Variants in RELA observed in about 807,000 individuals in gnomAD.
The protein encoded by RELA is transcription factor p65.
In RELA, 14 loss-of-function variants were observed where a neutral mutation model predicts 56.7. The ratio of observed to expected loss-of-function variants is 0.25; its 90% CI spans 0.16 to 0.39. RELA has a LOEUF of 0.39. Ranked by LOEUF, RELA falls within the 10% of genes least tolerant of loss-of-function variation. The probability of loss-of-function intolerance (pLI) is 1.00; values close to 1 mark genes in which losing one functional copy is unlikely to be tolerated. For synonymous variants in RELA, 315 were observed against 289.7 expected, an observed-to-expected ratio of 1.09 and a Z score of -0.89; for missense variants, 559 against 736.4, an observed-to-expected ratio of 0.76 and a Z score of 2.79.
rs1439805810 is a variant in RELA, at chr11:65,658,488, C to T, written c.676G>A (p.Val226Met). Residue 226 changes from valine (V) to methionine (M), a missense_variant, in exon 8 of 11, where the codon GTG (valine) becomes ATG (methionine). Coordinates refer to ENST00000406246, the MANE Select transcript of RELA (RefSeq NM_021975.4). This position sits in a 1 kb window ranked among gnomAD's most constrained non-coding sequence, Gnocchi z 4.5. Reference sequence around the variant, plus strand: ...TCCCAGCCTGGTCCCGTGAAATACACCTCAATGTCCTCTGCAGGAGATGCG... The same window carrying T: ...TCCCAGCCTGGTCCCGTGAAATACATCTCAATGTCCTCTGCAGGAGATGCG... Reference protein sequence around the residue: ...CDKVQKEDIEVYFTGPGWEAR... With the variant: ...CDKVQKEDIEMYFTGPGWEAR... The T allele has an allele frequency of 6.2e-7, 1 of 1,604,972 alleles. No individual in the cohort carries two copies. The highest frequency in any genetic ancestry group is 8.5e-7 in the Non-Finnish European group (1 of 1,173,352).
chr11:65,662,335 A>C, intron 1 of RELA, 130 bp from the exon 2 acceptor site: 1 of 1,106,868 alleles, frequency 9.0e-7, no homozygotes, highest in Non-Finnish European at 1.2e-6. Context: ...GCTCCCTAGA[A>C]CCTGCGGTGA....
In RELA at chr11:65,658,385, G is replaced by T; in HGVS notation, c.779C>A (p.Pro260His). 1 of 1,613,990 alleles carries T rather than the reference G, an allele frequency of 6.2e-7. No individual in the cohort carries two copies. The highest frequency in any genetic ancestry group is 1.3e-5 in the African/African-American group (1 of 75,060). Residue 260 changes from proline (P) to histidine (H), a missense_variant, in exon 8 of 11, where the codon CCC becomes CAC. Coordinates refer to ENST00000406246, the MANE Select transcript of RELA (RefSeq NM_021975.4). This position sits in a 1 kb window ranked among gnomAD's most constrained non-coding sequence, Gnocchi z 4.5. The stretch of plus-strand genomic sequence containing the variant: ...GACACGCACAGGAGCCTGCAGGCTG[G>T]GGTCTGCGTAGGGAGGGGTCCGGAA... ...IVFRTPPYADPSLQAPVRVSM... is the reference protein window; with the variant it reads ...IVFRTPPYADHSLQAPVRVSM...
intron 6 of RELA, among the ~76,000 whole-genome samples, chr11:65,659,096 T>C (rs1856500181): frequency 6.6e-6 from 1 of 152,104 alleles, no homozygotes; most frequent in African/African-American, 2.4e-5. Context: ...TATAGTCCAG[T>C]GGGTGCCAAT....
intron 4 of RELA, 161 bp downstream of exon 4, chr11:65,661,526 T>C (rs966939682): frequency 5.0e-5 from 31 of 616,758 alleles, no homozygotes; most frequent in Non-Finnish European, 8.3e-5. Flanking sequence ...AACGTACAAA[T>C]AGATAATTTC....
At chr11:65,660,418 C>T (rs1856534929) in intron 4 of RELA, 1 of 599,108 alleles carries the variant, frequency 1.7e-6, no homozygotes, top group Admixed American at 2.9e-5. Flanking sequence ...CCCTGCCAGC[C>T]TCCCTGTGGG....
In RELA at chr11:65,654,234, G is replaced by C; in HGVS notation, c.*144C>G. 5 of 979,580 alleles carry C rather than the reference G, an allele frequency of 5.1e-6. No homozygotes were observed. The highest frequency in any genetic ancestry group is 8.0e-6 in the Non-Finnish European group (5 of 626,410). 60.7% of individuals were successfully genotyped at this position (979,580 alleles called of 1,614,324 possible). A position where few individuals can be genotyped will look rare whatever the true frequency, so the allele number is the denominator to read the frequency against. ...AGAGATACAGATACTGACAATAAAA[G>C]AATAAAATATGGCTCCCCCCTCCAA... On this transcript the variant is annotated 3_prime_UTR_variant, in exon 11 of 11. Transcript: ENST00000406246.
At position 65,662,205 on chromosome 11, in the gene RELA, T is replaced by C; in HGVS notation, c.8A>G (p.Glu3Gly). ...TGCCGGGAAGATGAGGGGGAACAGT[T>C]CTGAAAGGGGAGGGAGATCAGGGTC... MDELFPLIFPAEP... is the reference protein window; with the variant it reads MDGLFPLIFPAEP... Residue 3 changes from glutamate (E) to glycine (G), a missense_variant and splice_region_variant, in exon 2 of 11, where the codon GAA (glutamate) becomes GGA (glycine). By Grantham distance (98) the Glu-to-Gly change is moderately conservative. This residue lies in a region of RELA where 21 missense variants were observed against 17.4 expected (regional missense o/e 1.21). Coordinates refer to ENST00000406246, the MANE Select transcript of RELA (RefSeq NM_021975.4). 6.4e-7 allele frequency: 1 copy of C among 1,572,326 alleles called. No homozygotes were observed. Among genetic ancestry groups the C allele is most frequent in the Non-Finnish European group, 8.6e-7 (1 of 1,164,720 alleles).
Position 65,655,635 on chromosome 11 carries a change from CAGCTGAACAG to C in RELA, c.1033+43_1033+52del, listed in dbSNP as rs1343291981. On this transcript the variant is annotated intron_variant, in intron 10 of 10. Transcript: ENST00000406246. ...AGGAGTCTTCATCTCCACTGCTCCT[CAGCTGAACAG>C]AGCTGAACCTGTCGTTCCAGTGGGA... 2.6e-6 allele frequency: 4 copies of C among 1,557,146 alleles called. No homozygotes were observed. In the African/African-American group the frequency reaches 5.4e-5, roughly 21 times the overall value.
chr11:65,655,218 C>A, intron 10 of RELA: 1 of 586,844 alleles, frequency 1.7e-6, no homozygotes, highest in Admixed American at 3.2e-5. Context: ...CTACTCAAGC[C>A]CACGAAACTC....
intron 4 of RELA, 49 bp from the exon 5 acceptor site, chr11:65,660,264 C>G (rs753962385): frequency 6.4e-7 from 1 of 1,570,706 alleles, no homozygotes; most frequent in Non-Finnish European, 8.8e-7. Flanking sequence ...GAGCCCAGAC[C>G]TTCCTGCCTT....
At chr11:65,659,073 C>T (rs1220595140) in intron 6 of RELA, among the ~76,000 whole-genome samples, 5 of 152,180 alleles carry the variant, frequency 3.3e-5, no homozygotes, top group African/African-American at 1.2e-4. Context: ...AACCTCTCTG[C>T]TCTCCCGGAG....
chr11:65,661,678 G>A lies in RELA; in HGVS notation c.335+9C>T. On this transcript the variant is annotated intron_variant, in intron 4 of 10. Transcript: ENST00000406246. ...TCATGCTGGGCCTCCTAGCCTGCAG[G>A]GACCTCACCTGTGGATGCAGCGGTC... is the stretch of plus-strand genomic sequence containing the variant. 4.5e-6 allele frequency: 7 copies of A among 1,569,844 alleles called. No homozygotes were observed. The highest frequency in any genetic ancestry group is 5.2e-6 in the Non-Finnish European group (6 of 1,154,400).
At chr11:65,662,397 C>G (rs569020791) in intron 1 of RELA, 192 bp from the exon 2 acceptor site, 1 of 607,342 alleles carries the variant, frequency 1.6e-6, no homozygotes, top group South Asian at 2.9e-5. Flanking sequence ...TGAGGGAAAA[C>G]GGGGTAAGGA....
intron 5 of RELA, 87 bp downstream of exon 5, chr11:65,660,037 G>T: frequency 7.4e-7 from 1 of 1,355,498 alleles, no homozygotes; most frequent in Non-Finnish European, 1.1e-6. Context: ...CAGCTTTACT[G>T]TGTCTTGGCC....
rs1384344058 is a variant in RELA, at chr11:65,655,712, T to A, written c.1009A>T (p.Ser337Cys). The stretch of plus-strand genomic sequence containing the variant: ...CCTGGCTTGGGGACAGAAGCTGAGC[T>A]GCGGGAAGGCACAGCAATGCGTCGA... ...PPRRIAVPSR[S>C]SASVPKPAPQ... Residue 337 changes from serine to cysteine, a missense_variant, in exon 10 of 11, where the codon AGC (serine) becomes TGC (cysteine). Physicochemically the swap from Ser to Cys is moderately radical, Grantham distance 112 (BLOSUM62 -1). Coordinates refer to ENST00000406246, the MANE Select transcript of RELA (RefSeq NM_021975.4). The A allele has an allele frequency of 6.2e-7, 1 of 1,613,842 alleles. No individual in the cohort carries two copies.
In RELA at chr11:65,654,471, C is replaced by T. The variant is rs376881598; in HGVS notation, c.1563G>A (p.Pro521=). ...PDPAPAPLGA[P]GLPNGLLSGD... The stretch of plus-strand genomic sequence containing the variant: ...CTGAAAGGAGGCCATTGGGGAGCCC[C>T]GGGGCCCCCAGTGGAGCAGGAGCTG... Residue 521 remains proline (P), a synonymous_variant, in exon 11 of 11, where the codon CCG becomes CCA. Transcript: ENST00000406246. 130 of 1,603,808 alleles carry T rather than the reference C, an allele frequency of 8.1e-5. No individual in the cohort carries two copies. The highest frequency in any genetic ancestry group is 1.0e-4 in the Non-Finnish European group (120 of 1,176,402).
chr11:65,656,404 T>A (rs1451163348), intron 8 of RELA, among the ~76,000 whole-genome samples: 1 of 152,186 alleles, frequency 6.6e-6, no homozygotes, highest in Non-Finnish European at 1.5e-5. Flanking sequence ...TCTTTCTAAT[T>A]ACAGTGGTAT....
intron 8 of RELA, among the ~76,000 whole-genome samples, chr11:65,657,144 A>C (rs565583429): frequency 8.5e-5 from 13 of 152,242 alleles, no homozygotes; most frequent in African/African-American, 3.1e-4. Context: ...GGGAAGGGCT[A>C]ATTTAGAGGT....
Position 65,658,695 on chromosome 11 carries a change from C to T in RELA, c.664+23G>A. On this transcript the variant is annotated intron_variant, in intron 7 of 10. Transcript: ENST00000406246. This position sits in a 1 kb window ranked among gnomAD's most constrained non-coding sequence, Gnocchi z 4.5. ...GCTTCACCCCTTGCTCCCAAGAGCC[C>T]ACCCCTGCCTCCTGATGTATACCTT... 2 of 1,601,264 alleles carry T rather than the reference C, an allele frequency of 1.2e-6. No homozygotes were observed. Among genetic ancestry groups the T allele is most frequent in the Non-Finnish European group, 1.7e-6 (2 of 1,168,436 alleles).
Sources: gnomAD v4.1 joint callset for allele counts (sites outside exome capture counted in the v4.1 genomes callset) on GRCh38, gnomAD v4.1.1 for gene constraint, gnomAD v4.1.1 regional missense constraint, Gnocchi (gnomAD v3.1) non-coding constraint, MANE v1.5 for transcripts, NCBI Gene and HGNC (gene_info 2026-07-23, HGNC 2026-07-21) for gene names.